C2CD5: variants seen among roughly 807,000 people sequenced by gnomAD.
C2CD5 encodes C2 calcium dependent domain containing 5, also known as C2 domain-containing protein 5.
C2CD5 carries 109 observed loss-of-function variants against 130.3 expected under a neutral mutation model. The ratio of observed to expected loss-of-function variants is 0.84; its 90% CI spans 0.72 to 0.98. The LOEUF is 0.98. C2CD5 is among the 50% of genes least tolerant of loss of function. C2CD5 has a pLI of 0.00. For synonymous variants in C2CD5, 454 were observed against 429.2 expected (o/e 1.06, Z -0.71); for missense variants, 996 against 1,261.8 (o/e 0.79, Z 3.19).
chr12:22,524,423 T>C, intron 6 of C2CD5, 49 bp downstream of exon 6: 1 of 1,548,280 alleles, frequency 6.5e-7, no homozygotes, highest in Middle Eastern at 1.7e-4. Flanking sequence ...AGCAAAAAAT[T>C]TAAGAGAGTA....
At chr12:22,454,118 G>T (rs1385271267) in intron 25 of C2CD5, 76 bp from the exon 26 acceptor site, 15 of 1,171,374 alleles carry the variant, frequency 1.3e-5, no homozygotes, top group Non-Finnish European at 1.7e-5. Context: ...AAATGTCAAA[G>T]AATATATATT....
At chr12:22,485,334 G>C (rs1945335814) in intron 12 of C2CD5, among the ~76,000 whole-genome samples, 3 of 151,988 alleles carry the variant, frequency 2.0e-5, no homozygotes, top group Admixed American at 1.3e-4. Context: ...TGGAGGGAAG[G>C]TGGGGATGGC....
intron 3 of C2CD5, among the ~76,000 whole-genome samples, chr12:22,534,180 T>G (rs940457576): frequency 6.6e-6 from 1 of 152,092 alleles, no homozygotes; most frequent in Non-Finnish European, 1.5e-5. Context: ...AAAGCAAGAC[T>G]CTGTCTATTA....
intron 4 of C2CD5, among the ~76,000 whole-genome samples, chr12:22,526,126 T>C (rs1950695928): frequency 6.6e-6 from 1 of 152,192 alleles, no homozygotes; most frequent in Non-Finnish European, 1.5e-5. Context: ...GCCAGCTTTG[T>C]TTCCTAGTTA....
At chr12:22,481,103 C>A (rs1944645176) in intron 14 of C2CD5, among the ~76,000 whole-genome samples, 1 of 152,124 alleles carries the variant, frequency 6.6e-6, no homozygotes, top group Non-Finnish European at 1.5e-5. Context: ...CCATGCCCGG[C>A]CTATGTATCA....
chr12:22,461,575 G>A (rs1941169113), intron 22 of C2CD5, among the ~76,000 whole-genome samples: 1 of 152,134 alleles, frequency 6.6e-6, no homozygotes, highest in Non-Finnish European at 1.5e-5. Context: ...TAAAAAGGAT[G>A]AATAGAGTAT....
In C2CD5 at chr12:22,459,431, T is replaced by G. The variant is rs572775570; in HGVS notation, c.2584+61A>C. 18 of 1,054,208 alleles carry G rather than the reference T, an allele frequency of 1.7e-5. No homozygotes were observed. The African/African-American group carries it at 2.8e-4, about 17-fold the overall frequency. 65.3% of individuals were successfully genotyped at this position (1,054,208 alleles called of 1,614,324 possible). On this transcript the variant is annotated intron_variant, in intron 23 of 26. Coordinates refer to ENST00000446597, the MANE Select transcript of C2CD5 (RefSeq NM_001286176.2). ...ATTTTCTTCAATGTCTATAATTTTA[T>G]GCACCACCAAACTAGAATTTTACAC...
chr12:22,498,625 T>C (rs929077925), intron 10 of C2CD5, among the ~76,000 whole-genome samples: 2 of 152,176 alleles, frequency 1.3e-5, no homozygotes, highest in Non-Finnish European at 2.9e-5. Context: ...TTTTGAACTA[T>C]TAATCCAAAG....
chr12:22,507,276 G>A (rs767755489), intron 9 of C2CD5, among the ~76,000 whole-genome samples: 1 of 152,194 alleles, frequency 6.6e-6, no homozygotes, highest in Non-Finnish European at 1.5e-5. Context: ...CTAAATGAAA[G>A]TGGGACCAAA....
intron 3 of C2CD5, among the ~76,000 whole-genome samples, chr12:22,529,155 A>T (rs866146840): frequency 6.6e-6 from 1 of 152,206 alleles, no homozygotes; most frequent in Non-Finnish European, 1.5e-5. Context: ...GGTGAGGTTC[A>T]ATATACTAAT....
chr12:22,470,994 A>C, intron 20 of C2CD5, 83 bp from the exon 21 acceptor site: 1 of 848,276 alleles, frequency 1.2e-6, no homozygotes, highest in Middle Eastern at 2.8e-4. Flanking sequence ...AGTACCACGG[A>C]ACAACCTACA....
chr12:22,539,638 A>G (rs1312034876), intron 2 of C2CD5, among the ~76,000 whole-genome samples: 1 of 152,194 alleles, frequency 6.6e-6, no homozygotes, highest in Non-Finnish European at 1.5e-5. Context: ...GTTCCCAACA[A>G]TGAAGACTTT....
At chr12:22,459,426 T>C in intron 23 of C2CD5, 66 bp downstream of exon 23, 1 of 1,041,122 alleles carries the variant, frequency 9.6e-7, no homozygotes, top group Non-Finnish European at 1.4e-6. Flanking sequence ...ATGTCTATAA[T>C]TTTATGCACC....
chr12:22,536,699 A>G (rs1486853368), intron 2 of C2CD5, among the ~76,000 whole-genome samples: 1 of 152,234 alleles, frequency 6.6e-6, no homozygotes, highest in Non-Finnish European at 1.5e-5. Context: ...CATAAGCCAA[A>G]GAACTGACAG....
At chr12:22,513,191 T>C (rs1565766062) in intron 9 of C2CD5, 103 bp downstream of exon 9, 3 of 800,120 alleles carry the variant, frequency 3.7e-6, no homozygotes, top group South Asian at 3.7e-5. Flanking sequence ...ATATTATAGA[T>C]ATGTAACCAA....
chr12:22,484,534 GT>G (rs111446465), intron 13 of C2CD5, 162 bp downstream of exon 13: 2,063 of 349,432 alleles, frequency 5.9e-3, no homozygotes, highest in South Asian at 9.7e-3. Context: ...TACACAGAGG[GT>G]TTTTTTTTTA....
rs772811435 is a variant in C2CD5 at position 22,524,517 on chromosome 12, T to G, written c.556A>C (p.Arg186=). ...CTCTGTCTGGCCTCATTTGATGCCC[T>G]TGGTGTGCGAATTCGATCAATCCAC... is the stretch of plus-strand genomic sequence containing the variant. The part of the protein sequence containing the change: ...YQWIDRIRTP[R]ASNEARQRLI... The change falls in exon 6 of 27, where the codon AGG becomes CGG. Residue 186 remains arginine (R), a synonymous_variant. Coordinates refer to ENST00000446597, the MANE Select transcript of C2CD5 (RefSeq NM_001286176.2). 1.2e-6 allele frequency: 2 copies of G among 1,614,032 alleles called. No individual in the cohort carries two copies. The highest frequency in any genetic ancestry group is 3.3e-5 in the Admixed American group (2 of 60,016).
intron 26 of C2CD5, among the ~76,000 whole-genome samples, chr12:22,451,708 G>C (rs78678524): frequency 6.6e-6 from 1 of 150,822 alleles, no homozygotes; most frequent in African/African-American, 2.4e-5. Context: ...AAAAAAAAAA[G>C]CACAGTTCAT....
In C2CD5 at chr12:22,518,253, G is replaced by T. The variant is rs546641570; in HGVS notation, c.801-116C>A. The T allele has an allele frequency of 3.2e-6, 3 of 943,864 alleles. No homozygotes were observed. The South Asian group carries it at 4.0e-5, about 13-fold the overall frequency. The allele number at this position is 943,864 out of a possible 1,614,324, so 58.5% of individuals were successfully genotyped here. A position where few individuals can be genotyped will look rare whatever the true frequency, so the allele number is the denominator to read the frequency against. On this transcript the variant is annotated intron_variant, in intron 7 of 26. Coordinates refer to ENST00000446597, the MANE Select transcript of C2CD5 (RefSeq NM_001286176.2). ...GGCAGGGCCAGCAGTCATTTCTTACGTGTGGAGCTGGGAATGAGGCCAAAG... is the reference window on the plus strand; with the variant it reads ...GGCAGGGCCAGCAGTCATTTCTTACTTGTGGAGCTGGGAATGAGGCCAAAG...
Sources: gnomAD v4.1 joint callset for allele counts (sites outside exome capture counted in the v4.1 genomes callset) on GRCh38, gnomAD v4.1.1 for gene constraint, MANE v1.5 for transcripts, NCBI Gene and HGNC (gene_info 2026-07-23, HGNC 2026-07-21) for gene names.